Variants in TBC1D8 observed in about 807,000 individuals in gnomAD.
The protein encoded by TBC1D8 is TBC1 domain family member 8.
In TBC1D8, 65 loss-of-function variants were observed where a neutral mutation model predicts 118.8. The observed-to-expected ratio is 0.55, with a 90% CI of 0.45 to 0.67. The LOEUF is 0.67. Among genes scored for constraint, TBC1D8 ranks in the 30% least tolerant of loss-of-function variants. TBC1D8 has a pLI of 0.00. For missense variants in TBC1D8, 1,376 were observed against 1,471.2 expected (o/e 0.94, Z 1.06); for synonymous variants, 566 against 595.8 (o/e 0.95, Z 0.73).
intron 2 of TBC1D8, among the ~76,000 whole-genome samples, chr2:101,084,849 A>ATTTTTTTTT: frequency 7.3e-6 from 1 of 136,348 alleles, no homozygotes; most frequent in South Asian, 2.4e-4. Flanking sequence ...GGTATTCACT[A>ATTTTTTTTT]TTTTTTTTTT....
chr2:101,151,058 GGGCCGCGGGCCCGGCGGGGTGCGA>G (rs1298928840), intron 1 of TBC1D8, 45 bp downstream of exon 1: 51 of 966,034 alleles, frequency 5.3e-5, no homozygotes, highest in Non-Finnish European at 6.2e-5. Flanking sequence ...CCGGGACTGG[GGGCCGCGGGCCCGGCGGGGTGCGA>G]GGCCCCGGGC....
rs1398379973 is a variant in TBC1D8, at chr2:101,059,443, C to T, written c.380G>A (p.Ser127Asn). The change falls in exon 3 of 20, where the codon AGT becomes AAT. Residue 127 changes from serine to asparagine, a missense_variant. Ser to Asn is a conservative substitution (Grantham distance 46). Coordinates refer to ENST00000409318, the MANE Select transcript of TBC1D8 (RefSeq NM_001330348.2). ...SVFDNKDDIA[S>N]FVKGKVKALI... Reference sequence around the variant, plus strand: ...TACCTTTACCTTCCCTTTGACAAAACTGGCAATGTCATCTTTATTATCAAA... The same window carrying T: ...TACCTTTACCTTCCCTTTGACAAAATTGGCAATGTCATCTTTATTATCAAA... 6.2e-7 allele frequency: 1 copy of T among 1,613,764 alleles called. No individual in the cohort carries two copies. The highest frequency in any genetic ancestry group is 1.7e-5 in the Admixed American group (1 of 59,998).
At chr2:101,147,175 G>A (rs1356303943) in intron 1 of TBC1D8, among the ~76,000 whole-genome samples, 3 of 151,818 alleles carry the variant, frequency 2.0e-5, no homozygotes, top group Non-Finnish European at 2.9e-5. Context: ...TAGTTGAATA[G>A]TGTTCTGTTG....
chr2:101,019,107 A>G, intron 17 of TBC1D8: 1 of 1,566,268 alleles, frequency 6.4e-7, no homozygotes. Context: ...GCTGCAGCAG[A>G]TGCCTTTACA....
rs1680555517 is a variant in TBC1D8, at chr2:101,029,634, T to C, written c.2079A>G (p.Leu693=). 4 of 1,613,490 alleles carry C rather than the reference T, an allele frequency of 2.5e-6. No homozygotes were observed. Among genetic ancestry groups the C allele is most frequent in the African/African-American group, 1.3e-5 (1 of 75,004 alleles). ...AGTCTACCACATTCACCGCACTCTCTAGAGGCATGATGCTGAGGAACAGGG... is the reference window on the plus strand; with the variant it reads ...AGTCTACCACATTCACCGCACTCTCCAGAGGCATGATGCTGAGGAACAGGG... The part of the protein sequence containing the change: ...FLTLFLSIMP[L]ESAVNVVDCF... Residue 693 remains leucine (L), a synonymous_variant, in exon 12 of 20, where the codon CTA becomes CTG. Transcript: ENST00000409318.
chr2:101,117,874 C>CTTT (rs35760018), intron 1 of TBC1D8, among the ~76,000 whole-genome samples: 4 of 116,182 alleles, frequency 3.4e-5, no homozygotes, highest in Admixed American at 9.3e-5. Flanking sequence ...CGCACCCGGC[C>CTTT]TTTTTTTTTT....
chr2:101,044,204 T>C (rs1681557774), intron 5 of TBC1D8, among the ~76,000 whole-genome samples: 1 of 152,242 alleles, frequency 6.6e-6, no homozygotes. Context: ...GGGGGGACTT[T>C]CCTAAGATCT....
chr2:101,021,667 T>G lies in TBC1D8; in HGVS notation c.2827+14A>C. On this transcript the variant is annotated intron_variant, in intron 17 of 19. Transcript: ENST00000409318. The stretch of plus-strand genomic sequence containing the variant: ...GCAGAGCACAGTCTGATTTTGCTAC[T>G]TGGACTTTCTTACCTGGAGGGATAT... The G allele has an allele frequency of 1.3e-6, 2 of 1,576,524 alleles. No homozygotes were observed. Among genetic ancestry groups the G allele is most frequent in the South Asian group, 1.1e-5 (1 of 88,308 alleles).
intron 1 of TBC1D8, among the ~76,000 whole-genome samples, chr2:101,113,833 C>T (rs1029062482): frequency 2.0e-5 from 3 of 152,172 alleles, no homozygotes; most frequent in East Asian, 1.9e-4. Context: ...CGGCGGATTC[C>T]GGCTCCTCAC....
intron 19 of TBC1D8, among the ~76,000 whole-genome samples, chr2:101,009,753 G>A (rs1025609573): frequency 2.1e-4 from 32 of 151,798 alleles, no homozygotes; most frequent in African/African-American, 6.8e-4. Context: ...GAAACTGCAT[G>A]CTAAATTCTA....
intron 5 of TBC1D8, among the ~76,000 whole-genome samples, chr2:101,042,082 G>GTTA (rs1265373224): frequency 6.6e-6 from 1 of 151,842 alleles, no homozygotes; most frequent in Non-Finnish European, 1.5e-5. Flanking sequence ...ATAAACATTA[G>GTTA]TTATTATTAT....
At chr2:101,063,581 G>A (rs1682874228) in intron 2 of TBC1D8, among the ~76,000 whole-genome samples, 2 of 152,194 alleles carry the variant, frequency 1.3e-5, no homozygotes, top group Admixed American at 1.3e-4. Flanking sequence ...TTCCTCTGCA[G>A]AGAAGTCTTA....
rs116153987 is a variant in TBC1D8, at chr2:101,102,512, G to A, written c.128-12148C>T. ...AAAGGTCTAAGTACACCAACTAAAT[G>A]AGATTTTCAGAGTGGATTAAAAACC... On this transcript the variant is annotated intron_variant, in intron 1 of 19. Transcript: ENST00000409318. Among the ~76,000 whole-genome samples, 616 of 147,994 alleles carry A rather than the reference G, an allele frequency of 4.2e-3. 2 individuals are homozygous for A. The highest frequency in any genetic ancestry group is 0.015 in the South Asian group (69 of 4,706).
At chr2:101,124,827 GGGTGGCCAGGAATCCT>G (rs1678282618) in intron 1 of TBC1D8, among the ~76,000 whole-genome samples, 1 of 152,148 alleles carries the variant, frequency 6.6e-6, no homozygotes, top group Non-Finnish European at 1.5e-5. Flanking sequence ...TGAAGAGGCT[GGGTGGCCAGGAATCCT>G]CTTTCGAAGC....
At chr2:101,108,082 G>C (rs1461463993) in intron 1 of TBC1D8, among the ~76,000 whole-genome samples, 1 of 144,544 alleles carries the variant, frequency 6.9e-6, no homozygotes, top group Admixed American at 6.9e-5. Context: ...AAAAAGAGGG[G>C]AGTGGGGGGA....
chr2:101,122,338 T>C lies in TBC1D8; in HGVS notation c.127+28789A>G, dbSNP rs1329351220. Among the ~76,000 whole-genome samples the C allele has an allele frequency of 3.2e-5, 4 of 125,238 alleles. No individual in the cohort carries two copies. The Admixed American group carries it at 4.5e-4, about 14-fold the overall frequency. The allele number at this position is 125,238 out of a possible 152,430, so 82.2% of individuals were successfully genotyped here. A position where few individuals can be genotyped will look rare whatever the true frequency, so the allele number is the denominator to read the frequency against. ...CACCTGCCCTGGCCTCCCAAAGTGCTAGGATTACAGGCGTGAGCCACCGCG... is the reference window on the plus strand; with the variant it reads ...CACCTGCCCTGGCCTCCCAAAGTGCCAGGATTACAGGCGTGAGCCACCGCG... On this transcript the variant is annotated intron_variant, in intron 1 of 19. Coordinates refer to ENST00000409318, the MANE Select transcript of TBC1D8 (RefSeq NM_001330348.2).
In TBC1D8 at chr2:101,092,900, G is replaced by A. The variant is rs1290551493; in HGVS notation, c.128-2536C>T. On this transcript the variant is annotated intron_variant, in intron 1 of 19. Coordinates refer to ENST00000409318, the MANE Select transcript of TBC1D8 (RefSeq NM_001330348.2). ...CCAGGAAATATATGTCTGTACATGT[G>A]TATGTGTGTACAGCTGACCCTTGAA... is the stretch of plus-strand genomic sequence containing the variant. Among the ~76,000 whole-genome samples the A allele has an allele frequency of 3.9e-5, 6 of 152,240 alleles. No homozygotes were observed. In the South Asian group the frequency reaches 8.3e-4, roughly 21 times the overall value.
chr2:101,048,181 G>T (rs980559544), intron 5 of TBC1D8, among the ~76,000 whole-genome samples: 22 of 152,222 alleles, frequency 1.4e-4, no homozygotes, highest in Non-Finnish European at 4.4e-5. Flanking sequence ...AGCCAGGCTT[G>T]TTGCTTCGGG....
intron 17 of TBC1D8, chr2:101,019,473 G>C (rs908348676): frequency 6.5e-6 from 1 of 153,654 alleles, no homozygotes; most frequent in Admixed American, 6.5e-5. Context: ...TTTTAAAATA[G>C]AGATTTTAGG....
Sources: gnomAD v4.1 joint callset for allele counts (sites outside exome capture counted in the v4.1 genomes callset) on GRCh38, gnomAD v4.1.1 for gene constraint, MANE v1.5 for transcripts, NCBI Gene and HGNC (gene_info 2026-07-23, HGNC 2026-07-21) for gene names.